The following SDCCAG8 variants were observed in gnomAD, a reference collection of about 807,000 sequenced individuals.
SDCCAG8 encodes the protein SHH signaling and ciliogenesis regulator SDCCAG8.
In SDCCAG8, 74 loss-of-function variants were observed where a neutral mutation model predicts 101.8. The ratio of observed to expected loss-of-function variants is 0.73; its 90% CI spans 0.60 to 0.88. The LOEUF (loss-of-function observed/expected upper bound fraction) is 0.88. Ranked by LOEUF, SDCCAG8 falls within the 40% of genes least tolerant of loss-of-function variation. SDCCAG8 has a pLI of 0.00. For synonymous variants in SDCCAG8, 281 were observed against 292.9 expected (o/e 0.96, Z 0.41); for missense variants, 787 against 822.6 (o/e 0.96, Z 0.53).
At chr1:243,395,018 A>G (rs2078951978) in intron 13 of SDCCAG8, among the ~76,000 whole-genome samples, 1 of 152,128 alleles carries the variant, frequency 6.6e-6, no homozygotes. Flanking sequence ...TATAAAAGTA[A>G]TGATTTCGTT....
intron 14 of SDCCAG8, 48 bp from the exon 15 acceptor site, chr1:243,417,920 G>A (rs1386689528): frequency 6.5e-6 from 9 of 1,377,214 alleles, no homozygotes; most frequent in Admixed American, 1.7e-5. Flanking sequence ...ACTGCAGAGC[G>A]ACAACCATAA....
At chr1:243,412,742 A>G (rs1252129474) in intron 13 of SDCCAG8, among the ~76,000 whole-genome samples, 2 of 152,152 alleles carry the variant, frequency 1.3e-5, no homozygotes, top group Non-Finnish European at 2.9e-5. Flanking sequence ...AGGATTCCCC[A>G]AATAAAAACA....
intron 16 of SDCCAG8, among the ~76,000 whole-genome samples, chr1:243,443,737 T>G (rs1185824659): frequency 5.3e-5 from 8 of 152,220 alleles, no homozygotes; most frequent in Admixed American, 5.2e-4. Flanking sequence ...TTCCGCTTGC[T>G]GTGTCTGTCT....
chr1:243,379,352 G>A (rs2077796821), intron 13 of SDCCAG8, among the ~76,000 whole-genome samples: 1 of 152,124 alleles, frequency 6.6e-6, no homozygotes, highest in Non-Finnish European at 1.5e-5. Flanking sequence ...AAATAGATTG[G>A]CACTGCTCAT....
chr1:243,397,537 G>T (rs1054003167), intron 13 of SDCCAG8, among the ~76,000 whole-genome samples: 2 of 152,170 alleles, frequency 1.3e-5, no homozygotes, highest in African/African-American at 4.8e-5. Flanking sequence ...TTCACATATG[G>T]AAAGCAAATG....
chr1:243,429,869 T>C (rs773987542), intron 16 of SDCCAG8, among the ~76,000 whole-genome samples: 6 of 151,590 alleles, frequency 4.0e-5, no homozygotes, highest in Admixed American at 3.3e-4. Flanking sequence ...GCCCAACTAG[T>C]TTTTGTATTT....
Position 243,416,023 on chromosome 1 carries a change from T to C in SDCCAG8, c.1744+194T>C, listed in dbSNP as rs1251873023. ...AATGGAAAGTATTGCCCACTGTCTG[T>C]TGATTTCAGAGTGCTGCTCTCACAT... is the stretch of plus-strand genomic sequence containing the variant. On this transcript the variant is annotated intron_variant, in intron 14 of 17. Coordinates refer to ENST00000366541, the MANE Select transcript of SDCCAG8 (RefSeq NM_006642.5). The surrounding 1 kb of genome is among the most constrained non-coding windows in gnomAD (Gnocchi z 4.3). Among the ~76,000 whole-genome samples the C allele has an allele frequency of 6.6e-6, 1 of 152,220 alleles. No individual in the cohort carries two copies. The highest frequency in any genetic ancestry group is 1.5e-5 in the Non-Finnish European group (1 of 68,026).
intron 13 of SDCCAG8, among the ~76,000 whole-genome samples, chr1:243,382,242 C>T (rs2147916220): frequency 6.6e-6 from 1 of 152,224 alleles, no homozygotes; most frequent in Non-Finnish European, 1.5e-5. Flanking sequence ...GATTGACTTT[C>T]TGGGTTGGGA....
intron 6 of SDCCAG8, among the ~76,000 whole-genome samples, chr1:243,298,422 A>G (rs2071177424): frequency 6.9e-6 from 1 of 144,670 alleles, no homozygotes; most frequent in Admixed American, 7.3e-5. Context: ...CAATGGCACA[A>G]TCTCAGCTCA....
chr1:243,460,389 G>A (rs1165871331), intron 16 of SDCCAG8, among the ~76,000 whole-genome samples: 2 of 152,066 alleles, frequency 1.3e-5, no homozygotes, highest in East Asian at 1.9e-4. Context: ...TCCCTGAGGC[G>A]ACCCGCAGGA....
intron 16 of SDCCAG8, among the ~76,000 whole-genome samples, chr1:243,468,075 T>C (rs1660495327): frequency 6.6e-6 from 1 of 152,166 alleles, no homozygotes; most frequent in African/African-American, 2.4e-5. Flanking sequence ...CAATAATAGG[T>C]TTAGAAGACA....
intron 17 of SDCCAG8, among the ~76,000 whole-genome samples, chr1:243,497,464 A>G (rs1473065226): frequency 6.6e-6 from 1 of 152,050 alleles, no homozygotes; most frequent in African/African-American, 2.4e-5. Flanking sequence ...GATCTGCCGC[A>G]GGAAGGAATC....
chr1:243,256,129 G>A lies in SDCCAG8; in HGVS notation c.-45G>A, dbSNP rs745560651. 1.4e-5 allele frequency: 22 copies of A among 1,567,938 alleles called. No individual in the cohort carries two copies. The highest frequency in any genetic ancestry group is 1.9e-5 in the Non-Finnish European group (22 of 1,138,008). ...GTTGTTCTCGGAAGGGAGAAAGCTG[G>A]ACATTTCCCCACGTAACTCCCAGCT... On this transcript the variant is annotated 5_prime_UTR_variant, in exon 1 of 18. Coordinates refer to ENST00000366541, the MANE Select transcript of SDCCAG8 (RefSeq NM_006642.5).
At chr1:243,321,968 G>C (rs1325820564) in intron 9 of SDCCAG8, among the ~76,000 whole-genome samples, 2 of 152,208 alleles carry the variant, frequency 1.3e-5, no homozygotes. Flanking sequence ...TTGCTATTGT[G>C]AATAATGCAG....
intron 16 of SDCCAG8, among the ~76,000 whole-genome samples, chr1:243,455,558 C>T (rs957770272): frequency 3.3e-5 from 5 of 152,184 alleles, no homozygotes; most frequent in East Asian, 3.9e-4. Context: ...CGAGAGCCAC[C>T]GCACCTAGCC....
chr1:243,264,189 T>G (rs1268790026), intron 1 of SDCCAG8, among the ~76,000 whole-genome samples: 1 of 152,182 alleles, frequency 6.6e-6, no homozygotes, highest in Non-Finnish European at 1.5e-5. Flanking sequence ...TAATTCATAG[T>G]GTGTATTTAA....
intron 7 of SDCCAG8, chr1:243,305,795 G>C (rs1187506929): frequency 6.6e-6 from 1 of 152,074 alleles, no homozygotes; most frequent in Non-Finnish European, 1.5e-5. Flanking sequence ...GTAATACTAA[G>C]AGCCAGAACT....
chr1:243,338,027 C>T (rs555401419), intron 10 of SDCCAG8, among the ~76,000 whole-genome samples: 6 of 152,026 alleles, frequency 3.9e-5, no homozygotes, highest in African/African-American at 1.2e-4. Flanking sequence ...CTCAAGCAAT[C>T]CCCCTGCCTC....
chr1:243,341,633 C>T (rs1443501232), intron 11 of SDCCAG8, among the ~76,000 whole-genome samples: 1 of 152,130 alleles, frequency 6.6e-6, no homozygotes, highest in Non-Finnish European at 1.5e-5. Context: ...ACTTCCTTTT[C>T]CTTTTCAGAC....
Sources: allele counts gnomAD v4.1 joint callset (sites outside exome capture counted in the v4.1 genomes callset), GRCh38; gene constraint gnomAD v4.1.1; non-coding constraint Gnocchi (gnomAD v3.1); transcripts MANE v1.5; gene names NCBI Gene and HGNC (gene_info 2026-07-23, HGNC 2026-07-21).